Variants in CDK5R1 observed in about 807,000 individuals in gnomAD.
CDK5R1 encodes the protein cyclin-dependent kinase 5 activator 1.
A neutral mutation model predicts 19.0 loss-of-function variants in CDK5R1; 1 was observed. The ratio of observed to expected loss-of-function variants is 0.05; its 90% CI spans 0.02 to 0.25. CDK5R1 has a LOEUF of 0.25. CDK5R1 is among the 10% of genes least tolerant of loss of function. The pLI, the probability that CDK5R1 is intolerant of heterozygous loss-of-function variation, is 1.00. For missense variants in CDK5R1, 314 were observed against 401.0 expected, an observed-to-expected ratio of 0.78 and a Z score of 1.85; for synonymous variants, 225 against 187.7, an observed-to-expected ratio of 1.20 and a Z score of -1.62.
In CDK5R1 at chr17:32,487,700, A is replaced by G; in HGVS notation, c.80A>G (p.Tyr27Cys). ...GATGGCGCGGCCACCGTGGGCCACT[A>G]TACGGCCGTACAGAACAGCAAGAAC... Reference protein sequence around the residue: ...FEDGAATVGHYTAVQNSKNAK... With the variant: ...FEDGAATVGHCTAVQNSKNAK... The change falls in exon 2 of 2, where the codon TAT (tyrosine) becomes TGT (cysteine). Residue 27 changes from tyrosine (Y) to cysteine (C), a missense_variant. By Grantham distance (194) the Tyr-to-Cys change is radical. Coordinates refer to ENST00000313401, the MANE Select transcript of CDK5R1 (RefSeq NM_003885.3). The surrounding 1 kb of genome is among the most constrained non-coding windows in gnomAD (Gnocchi z 7.9). 3 of 1,613,660 alleles carry G rather than the reference A, an allele frequency of 1.9e-6. No homozygotes were observed. The highest frequency in any genetic ancestry group is 2.5e-6 in the Non-Finnish European group (3 of 1,179,814).
chr17:32,487,567 C>A lies in CDK5R1; in HGVS notation c.-54C>A. On this transcript the variant is annotated 5_prime_UTR_variant, in exon 2 of 2. Transcript: ENST00000313401. This position sits in a 1 kb window ranked among gnomAD's most constrained non-coding sequence, Gnocchi z 7.9. ...TCGGTGAGCGGTTTTATCCCTCCGG[C>A]CGGCAGGCTGGGCGCGCAGGGGCGC... is the stretch of plus-strand genomic sequence containing the variant. 6.7e-7 allele frequency: 1 copy of A among 1,485,754 alleles called. No homozygotes were observed. Among genetic ancestry groups the A allele is most frequent in the Non-Finnish European group, 9.2e-7 (1 of 1,092,450 alleles). The allele number at this position is 1,485,754 out of a possible 1,614,324, so 92.0% of individuals were successfully genotyped here.
chr17:32,488,230 C>A lies in CDK5R1; in HGVS notation c.610C>A (p.Leu204Ile). The change falls in exon 2 of 2, where the codon CTC becomes ATC. Residue 204 changes from leucine to isoleucine, a missense_variant. By Grantham distance (5) the Leu-to-Ile change is conservative (BLOSUM62 2). Transcript: ENST00000313401. ...CATCACGCCGGCCAACGTGGTCTTC[C>A]TCTACATGCTCTGCAGGGATGTTAT... ...GFITPANVVF[L>I]YMLCRDVISS... The A allele has an allele frequency of 1.2e-6, 2 of 1,614,026 alleles. No homozygotes were observed. The highest frequency in any genetic ancestry group is 1.7e-6 in the Non-Finnish European group (2 of 1,180,044).
chr17:32,488,143 G>T lies in CDK5R1; in HGVS notation c.523G>T (p.Val175Leu). Residue 175 changes from valine to leucine, a missense_variant, in exon 2 of 2, where the codon GTG (valine) becomes TTG (leucine). Physicochemically the swap from Val to Leu is conservative, Grantham distance 32. Coordinates refer to ENST00000313401, the MANE Select transcript of CDK5R1 (RefSeq NM_003885.3). ...GAAGCACCTGTCCCCCACGGACCCCGTGCTCTGGCTGCGCAGCGTGGACCG... is the reference window on the plus strand; with the variant it reads ...GAAGCACCTGTCCCCCACGGACCCCTTGCTCTGGCTGCGCAGCGTGGACCG... Reference protein sequence around the residue: ...RLKHLSPTDPVLWLRSVDRSL... With the variant: ...RLKHLSPTDPLLWLRSVDRSL... 2 of 1,613,584 alleles carry T rather than the reference G, an allele frequency of 1.2e-6. No homozygotes were observed. Among genetic ancestry groups the T allele is most frequent in the Non-Finnish European group, 1.7e-6 (2 of 1,179,980 alleles).
chr17:32,488,493 C>T lies in CDK5R1; in HGVS notation c.873C>T (p.Asn291=). 5.0e-6 allele frequency: 8 copies of T among 1,614,196 alleles called. No homozygotes were observed. The highest frequency in any genetic ancestry group is 2.2e-5 in the East Asian group (1 of 44,890). Residue 291 remains asparagine, a synonymous_variant, in exon 2 of 2, where the codon AAC becomes AAT. Coordinates refer to ENST00000313401, the MANE Select transcript of CDK5R1 (RefSeq NM_003885.3). ...YFTQVFSDLK[N]ESGQEDKKRL... is the part of the protein sequence containing the mutation. The stretch of plus-strand genomic sequence containing the variant: ...CACAGGTCTTCTCCGACCTGAAGAA[C>T]GAGAGCGGCCAGGAGGACAAGAAGC...
rs1345176782 is a variant in CDK5R1 at position 32,487,543 on chromosome 17, C to T, written c.-78C>T. On this transcript the variant is annotated 5_prime_UTR_variant, in exon 2 of 2. Transcript: ENST00000313401. The surrounding 1 kb of genome is among the most constrained non-coding windows in gnomAD (Gnocchi z 7.9). ...CTCCTCTCCGGGGCCGCCGCAGGCT[C>T]GGTGAGCGGTTTTATCCCTCCGGCC... 8.3e-7 allele frequency: 1 copy of T among 1,206,420 alleles called. No individual in the cohort carries two copies. Among genetic ancestry groups the T allele is most frequent in the Non-Finnish European group, 1.2e-6 (1 of 868,886 alleles). The allele number at this position is 1,206,420 out of a possible 1,614,324, so 74.7% of individuals were successfully genotyped here.
rs1908852924 is a variant in CDK5R1, at chr17:32,491,056, T to G, written c.*2512T>G. ...AGTGCAATTTCTTCTGTAGCTATTCTTTGACCAAACTGTGGGTATTGTTAA... is the reference window on the plus strand; with the variant it reads ...AGTGCAATTTCTTCTGTAGCTATTCGTTGACCAAACTGTGGGTATTGTTAA... On this transcript the variant is annotated 3_prime_UTR_variant, in exon 2 of 2. Transcript: ENST00000313401. 1 of 167,146 alleles carries G rather than the reference T, an allele frequency of 6.0e-6. No individual in the cohort carries two copies. The highest frequency in any genetic ancestry group is 1.5e-5 in the Non-Finnish European group (1 of 68,140). The allele number at this position is 167,146 out of a possible 1,614,324, so 10.4% of individuals were successfully genotyped here.
chr17:32,489,256 T>C lies in CDK5R1; in HGVS notation c.*712T>C, dbSNP rs1263028242. 1 of 471,128 alleles carries C rather than the reference T, an allele frequency of 2.1e-6. No homozygotes were observed. Among genetic ancestry groups the C allele is most frequent in the East Asian group, 6.9e-5 (1 of 14,406 alleles). The allele number at this position is 471,128 out of a possible 1,614,324, so 29.2% of individuals were successfully genotyped here. A position where few individuals can be genotyped will look rare whatever the true frequency, so the allele number is the denominator to read the frequency against. ...GATGAGCTGGTTTGACTCATTAATT[T>C]CTCTCAATTTGGGTCCCAGCTAAAG... On this transcript the variant is annotated 3_prime_UTR_variant, in exon 2 of 2. Coordinates refer to ENST00000313401, the MANE Select transcript of CDK5R1 (RefSeq NM_003885.3).
chr17:32,488,588 A>T lies in CDK5R1; in HGVS notation c.*44A>T. 1 of 1,613,088 alleles carries T rather than the reference A, an allele frequency of 6.2e-7. No individual in the cohort carries two copies. Among genetic ancestry groups the T allele is most frequent in the Non-Finnish European group, 8.5e-7 (1 of 1,179,744 alleles). On this transcript the variant is annotated 3_prime_UTR_variant, in exon 2 of 2. Transcript: ENST00000313401. The stretch of plus-strand genomic sequence containing the variant: ...TGGCTCAAGGATTCAATGCATTTTT[A>T]AGAATTTATTATTAAATCAGTTTTG...
rs1178717155 is a variant in CDK5R1, at chr17:32,491,050, C to T, written c.*2506C>T. ...TTTTTTAGTGCAATTTCTTCTGTAG[C>T]TATTCTTTGACCAAACTGTGGGTAT... On this transcript the variant is annotated 3_prime_UTR_variant, in exon 2 of 2. Transcript: ENST00000313401. 6.0e-6 allele frequency: 1 copy of T among 167,030 alleles called. No homozygotes were observed. The highest frequency in any genetic ancestry group is 1.5e-5 in the Non-Finnish European group (1 of 68,132). The allele number at this position is 167,030 out of a possible 1,614,324, so 10.3% of individuals were successfully genotyped here. A position where few individuals can be genotyped will look rare whatever the true frequency, so the allele number is the denominator to read the frequency against.
At position 32,490,557 on chromosome 17, in the gene CDK5R1, C is replaced by T. The variant is rs1908835020; in HGVS notation, c.*2013C>T. Reference sequence around the variant, plus strand: ...CCCTCAGTGTGAAGCCTGTCGTGTTCTCTCCCCTTGCACTGGTCATCAGTA... The same window carrying T: ...CCCTCAGTGTGAAGCCTGTCGTGTTTTCTCCCCTTGCACTGGTCATCAGTA... On this transcript the variant is annotated 3_prime_UTR_variant, in exon 2 of 2. Transcript: ENST00000313401. 6.0e-6 allele frequency: 1 copy of T among 167,058 alleles called. No homozygotes were observed. The highest frequency in any genetic ancestry group is 1.5e-5 in the Non-Finnish European group (1 of 68,128). 10.3% of individuals were successfully genotyped at this position (167,058 alleles called of 1,614,324 possible).
chr17:32,488,943 C>T lies in CDK5R1; in HGVS notation c.*399C>T. ...TCTGGTTGGAGGCCCTTTTCTGGCT[C>T]CTGTGTGGAGTTATTCACTCTCCCA... On this transcript the variant is annotated 3_prime_UTR_variant, in exon 2 of 2. Transcript: ENST00000313401. The T allele has an allele frequency of 2.7e-6, 1 of 371,668 alleles. No homozygotes were observed. Among genetic ancestry groups the T allele is most frequent in the Non-Finnish European group, 5.5e-6 (1 of 182,846 alleles). 23.0% of individuals were successfully genotyped at this position (371,668 alleles called of 1,614,324 possible).
rs1399116652 is a variant in CDK5R1, at chr17:32,491,054, TC to T, written c.*2511del. 4 of 167,258 alleles carry T rather than the reference TC, an allele frequency of 2.4e-5. No individual in the cohort carries two copies. The Admixed American group carries it at 2.6e-4, about 11-fold the overall frequency. The allele number at this position is 167,258 out of a possible 1,614,324, so 10.4% of individuals were successfully genotyped here. A position where few individuals can be genotyped will look rare whatever the true frequency, so the allele number is the denominator to read the frequency against. ...TTAGTGCAATTTCTTCTGTAGCTATTCTTTGACCAAACTGTGGGTATTGTTA... is the reference window on the plus strand; with the variant it reads ...TTAGTGCAATTTCTTCTGTAGCTATTTTTGACCAAACTGTGGGTATTGTTA... On this transcript the variant is annotated 3_prime_UTR_variant, in exon 2 of 2. Coordinates refer to ENST00000313401, the MANE Select transcript of CDK5R1 (RefSeq NM_003885.3).
At position 32,490,762 on chromosome 17, in the gene CDK5R1, G is replaced by A. The variant is rs1908842603; in HGVS notation, c.*2218G>A. The A allele has an allele frequency of 6.0e-6, 1 of 167,042 alleles. No individual in the cohort carries two copies. Among genetic ancestry groups the A allele is most frequent in the African/African-American group, 2.4e-5 (1 of 41,432 alleles). The allele number at this position is 167,042 out of a possible 1,614,324, so 10.3% of individuals were successfully genotyped here. A position where few individuals can be genotyped will look rare whatever the true frequency, so the allele number is the denominator to read the frequency against. ...AAACCAGGAGCATTTTGTGTCTTAA[G>A]AAAAATAATCTTAGAACAGATGGCT... On this transcript the variant is annotated 3_prime_UTR_variant, in exon 2 of 2. Coordinates refer to ENST00000313401, the MANE Select transcript of CDK5R1 (RefSeq NM_003885.3).
In CDK5R1 at chr17:32,488,232, C is replaced by T. The variant is rs754811246; in HGVS notation, c.612C>T (p.Leu204=). The T allele has an allele frequency of 5.0e-6, 8 of 1,613,946 alleles. No homozygotes were observed. In the South Asian group the frequency reaches 6.6e-5, roughly 13 times the overall value. The change falls in exon 2 of 2, where the codon CTC becomes CTT. Residue 204 remains leucine, a synonymous_variant. Coordinates refer to ENST00000313401, the MANE Select transcript of CDK5R1 (RefSeq NM_003885.3). ...GFITPANVVF[L]YMLCRDVISS... ...TCACGCCGGCCAACGTGGTCTTCCT[C>T]TACATGCTCTGCAGGGATGTTATCT...
In CDK5R1 at chr17:32,490,624, A is replaced by G. The variant is rs1160157340; in HGVS notation, c.*2080A>G. 1.2e-5 allele frequency: 2 copies of G among 167,114 alleles called. No individual in the cohort carries two copies. The highest frequency in any genetic ancestry group is 2.9e-5 in the Non-Finnish European group (2 of 68,128). The allele number at this position is 167,114 out of a possible 1,614,324, so 10.4% of individuals were successfully genotyped here. ...CTGATATACTTGAGTGTGCAAGCAA[A>G]GAACCCATTTGCCATGCTGCTATGA... On this transcript the variant is annotated 3_prime_UTR_variant, in exon 2 of 2. Transcript: ENST00000313401.
In CDK5R1 at chr17:32,488,574, T is replaced by G; in HGVS notation, c.*30T>G. The G allele has an allele frequency of 2.5e-6, 4 of 1,613,816 alleles. No homozygotes were observed. The highest frequency in any genetic ancestry group is 3.4e-6 in the Non-Finnish European group (4 of 1,179,986). ...TGTAGCCTGCGTCATGGCTCAAGGA[T>G]TCAATGCATTTTTAAGAATTTATTA... On this transcript the variant is annotated 3_prime_UTR_variant, in exon 2 of 2. Coordinates refer to ENST00000313401, the MANE Select transcript of CDK5R1 (RefSeq NM_003885.3).
Position 32,488,859 on chromosome 17 carries a change from A to T in CDK5R1, c.*315A>T. On this transcript the variant is annotated 3_prime_UTR_variant, in exon 2 of 2. Transcript: ENST00000313401. ...CAGGGTAGGCAAGGCTGCCGGCTGC[A>T]CCCTGTATGGAGCTAGAGAGGGGCC... The T allele has an allele frequency of 2.4e-6, 1 of 418,100 alleles. No individual in the cohort carries two copies. Among genetic ancestry groups the T allele is most frequent in the South Asian group, 2.1e-5 (1 of 47,012 alleles). 25.9% of individuals were successfully genotyped at this position (418,100 alleles called of 1,614,324 possible).
At position 32,487,196 on chromosome 17, in the gene CDK5R1, G is replaced by C. The variant is rs1344932849; in HGVS notation, c.-146+34G>C. On this transcript the variant is annotated intron_variant, in intron 1 of 1. Transcript: ENST00000313401. The surrounding 1 kb of genome is among the most constrained non-coding windows in gnomAD (Gnocchi z 7.9). ...GCGCTGGGCGGCCGTCCTTGGCCCT[G>C]GGGAGCGGAGACCGGGGTCGCGCCC... 1 of 147,198 alleles carries C rather than the reference G, an allele frequency of 6.8e-6. No homozygotes were observed. The highest frequency in any genetic ancestry group is 6.7e-5 in the Admixed American group (1 of 14,816). The allele number at this position is 147,198 out of a possible 1,614,324, so 9.1% of individuals were successfully genotyped here.
At position 32,487,894 on chromosome 17, in the gene CDK5R1, T is replaced by A. The variant is rs775581353; in HGVS notation, c.274T>A (p.Cys92Ser). The A allele has an allele frequency of 6.8e-6, 11 of 1,613,580 alleles. No individual in the cohort carries two copies. The highest frequency in any genetic ancestry group is 1.7e-6 in the Non-Finnish European group (2 of 1,180,012). Residue 92 changes from cysteine (C) to serine (S), a missense_variant, in exon 2 of 2, where the codon TGC becomes AGC. Cys to Ser is a moderately radical substitution (Grantham distance 112). Coordinates refer to ENST00000313401, the MANE Select transcript of CDK5R1 (RefSeq NM_003885.3). The surrounding 1 kb of genome is among the most constrained non-coding windows in gnomAD (Gnocchi z 7.9). ...NNENLKKSLS[C>S]ANLSTFAQPP... ...TGAGAACCTGAAGAAGTCGCTGTCG[T>A]GCGCCAACCTGTCCACATTCGCCCA... is the stretch of plus-strand genomic sequence containing the variant.
Sources: gnomAD v4.1 joint callset for allele counts on GRCh38, gnomAD v4.1.1 for gene constraint, Gnocchi (gnomAD v3.1) non-coding constraint, MANE v1.5 for transcripts, NCBI Gene and HGNC (gene_info 2026-07-23, HGNC 2026-07-21) for gene names.